The following ZCCHC9 variants were observed in gnomAD, a reference collection of about 807,000 sequenced individuals.
ZCCHC9 encodes zinc finger CCHC domain-containing protein 9.
In ZCCHC9, 18 loss-of-function variants were observed where a neutral mutation model predicts 30.8. That is an observed-to-expected ratio of 0.58 (90% CI 0.40 to 0.87). ZCCHC9 has a LOEUF of 0.87. Among genes scored for constraint, ZCCHC9 ranks in the 40% least tolerant of loss-of-function variants. The pLI is 0.00. For missense variants in ZCCHC9, 279 were observed against 331.2 expected, an observed-to-expected ratio of 0.84 and a Z score of 1.22; for synonymous variants, 94 against 106.7, an observed-to-expected ratio of 0.88 and a Z score of 0.73.
intron 2 of ZCCHC9, among the ~76,000 whole-genome samples, chr5:81,306,317 T>C (rs955344449): frequency 2.0e-5 from 3 of 152,256 alleles, no homozygotes; most frequent in African/African-American, 7.2e-5. Context: ...GATTAGTCTA[T>C]GCATTGTTAT....
chr5:81,311,190 G>A (rs772104589), intron 4 of ZCCHC9, 21 bp from the exon 5 acceptor site: 7 of 1,613,956 alleles, frequency 4.3e-6, no homozygotes, highest in Non-Finnish European at 5.9e-6. Context: ...ATGGTATTCA[G>A]TGGCTTTGCT....
chr5:81,306,280 A>G (rs1191528514), intron 2 of ZCCHC9, among the ~76,000 whole-genome samples: 3 of 152,246 alleles, frequency 2.0e-5, no homozygotes, highest in Non-Finnish European at 2.9e-5. Context: ...AACAGCCTCT[A>G]TAAATGTGTC....
In ZCCHC9 at chr5:81,308,580, A is replaced by T. The variant is rs1758164113; in HGVS notation, c.404A>T (p.Lys135Ile). 1 of 1,612,742 alleles carries T rather than the reference A, an allele frequency of 6.2e-7. No homozygotes were observed. The highest frequency in any genetic ancestry group is 2.2e-5 in the East Asian group (1 of 44,840). The change falls in exon 3 of 6, where the codon AAA becomes ATA. Residue 135 changes from lysine (K) to isoleucine (I), a missense_variant. Coordinates refer to ENST00000407610, the MANE Select transcript of ZCCHC9 (RefSeq NM_001131035.2). ...TCCTAGGTGTGTTTCCATTGTAGAAAACCTGGTCATGGAATTGCAGATTGC... is the reference window on the plus strand; with the variant it reads ...TCCTAGGTGTGTTTCCATTGTAGAATACCTGGTCATGGAATTGCAGATTGC... ...KNAMVCFHCR[K>I]PGHGIADCPA... is the part of the protein sequence containing the mutation.
chr5:81,308,023 ATC>A (rs1554049986), intron 2 of ZCCHC9, among the ~76,000 whole-genome samples: 2 of 15,966 alleles, frequency 1.3e-4, no homozygotes, highest in African/African-American at 1.9e-4. Flanking sequence ...AAAAAAAAAA[ATC>A]TATCTATCTA....
intron 4 of ZCCHC9, among the ~76,000 whole-genome samples, chr5:81,309,765 C>T (rs944402222): frequency 2.0e-5 from 3 of 152,188 alleles, no homozygotes; most frequent in African/African-American, 7.2e-5. Flanking sequence ...TCTCCGTTTC[C>T]TCACCTATAG....
intron 2 of ZCCHC9, among the ~76,000 whole-genome samples, chr5:81,306,377 A>G (rs1446566802): frequency 1.3e-5 from 2 of 152,204 alleles, no homozygotes; most frequent in Non-Finnish European, 2.9e-5. Flanking sequence ...TTCCTTATGG[A>G]TAAATTTGAA....
In ZCCHC9 at chr5:81,311,254, A is replaced by T. The variant is rs1758275555; in HGVS notation, c.672A>T (p.Lys224Asn). The change falls in exon 5 of 6, where the codon AAA becomes AAT. Residue 224 changes from lysine to asparagine, a missense_variant. Coordinates refer to ENST00000407610, the MANE Select transcript of ZCCHC9 (RefSeq NM_001131035.2). ...KLCGSVEHLK[K>N]DCPESQNSER... ...GTGGCTCTGTGGAACATTTAAAGAA[A>T]GATTGCCCTGAAAGTCAGAATTCAG... 2 of 1,614,108 alleles carry T rather than the reference A, an allele frequency of 1.2e-6. No individual in the cohort carries two copies. The highest frequency in any genetic ancestry group is 2.2e-5 in the South Asian group (2 of 91,078).
At chr5:81,307,745 C>T (rs1014091677) in intron 2 of ZCCHC9, among the ~76,000 whole-genome samples, 4 of 151,744 alleles carry the variant, frequency 2.6e-5, no homozygotes, top group African/African-American at 7.3e-5. Context: ...GCCTGTAATC[C>T]CAGCACTTTG....
rs1304258359 is a variant in ZCCHC9, at chr5:81,302,250, TCTC to T, written c.-18+555_-18+557del. ...ACTTTGGGAGGTCGAGGCGGGCAGA[TCTC>T]CTGAGCTCAGGAGTTCGAGACCACC... On this transcript the variant is annotated intron_variant, in intron 1 of 5. Coordinates refer to ENST00000407610, the MANE Select transcript of ZCCHC9 (RefSeq NM_001131035.2). 3.3e-5 allele frequency: 5 copies of T among 152,320 alleles called. No individual in the cohort carries two copies. In the East Asian group the frequency reaches 9.6e-4, roughly 29 times the overall value. 9.4% of individuals were successfully genotyped at this position (152,320 alleles called of 1,614,324 possible).
In ZCCHC9 at chr5:81,311,425, C is replaced by T. The variant is rs537343035; in HGVS notation, c.697+146C>T. 1.2e-5 allele frequency: 10 copies of T among 855,552 alleles called. No individual in the cohort carries two copies. In the East Asian group the frequency reaches 2.2e-4, roughly 19 times the overall value. 53.0% of individuals were successfully genotyped at this position (855,552 alleles called of 1,614,324 possible). On this transcript the variant is annotated intron_variant, in intron 5 of 5. Transcript: ENST00000407610. ...ACTGTAGCAATGACTTAATCTCTGT[C>T]AGCAATAGACACACATAGTATTGAG...
chr5:81,306,679 G>T (rs547015944), intron 2 of ZCCHC9, among the ~76,000 whole-genome samples: 12 of 151,756 alleles, frequency 7.9e-5, no homozygotes, highest in Admixed American at 3.9e-4. Context: ...ACTAAGCATC[G>T]GTCCTTAAAT....
chr5:81,308,871 G>T (rs912700212), intron 3 of ZCCHC9, 75 bp from the exon 4 acceptor site: 108 of 1,420,838 alleles, frequency 7.6e-5, no homozygotes, highest in Admixed American at 4.5e-4. Flanking sequence ...TTTATTCAGA[G>T]TATTTTAAAA....
chr5:81,312,674 A>C lies in ZCCHC9; in HGVS notation c.*12A>C, dbSNP rs1462878455. 1.3e-6 allele frequency: 2 copies of C among 1,582,590 alleles called. No individual in the cohort carries two copies. The highest frequency in any genetic ancestry group is 2.2e-5 in the South Asian group (2 of 90,228). On this transcript the variant is annotated 3_prime_UTR_variant, in exon 6 of 6. Coordinates refer to ENST00000407610, the MANE Select transcript of ZCCHC9 (RefSeq NM_001131035.2). ...TTGTTAATTTTTGATAACAGCTAGC[A>C]CTATCATGAGTTACTACCTCATTGT...
chr5:81,306,376 G>A (rs1561305172), intron 2 of ZCCHC9, among the ~76,000 whole-genome samples: 1 of 152,294 alleles, frequency 6.6e-6, no homozygotes, highest in East Asian at 1.9e-4. Flanking sequence ...ATTCCTTATG[G>A]ATAAATTTGA....
rs1580499779 is a variant in ZCCHC9, at chr5:81,311,201, C to G, written c.629-10C>G. 3 of 1,614,038 alleles carry G rather than the reference C, an allele frequency of 1.9e-6. No homozygotes were observed. The East Asian group carries it at 6.7e-5, about 36-fold the overall frequency. On this transcript the variant is annotated splice_polypyrimidine_tract_variant and intron_variant, in intron 4 of 5. Coordinates refer to ENST00000407610, the MANE Select transcript of ZCCHC9 (RefSeq NM_001131035.2). The stretch of plus-strand genomic sequence containing the variant: ...TGAGATGGTATTCAGTGGCTTTGCT[C>G]TTTCAATAGGTGGCGGTTGCAAACT...
Position 81,311,297 on chromosome 5 carries a change from C to G in ZCCHC9, c.697+18C>G. ...GAATTCAGGTGAGATCTCTGGGCCTCTACTTAGAAGGGGTGAGATTAGTAT... is the reference window on the plus strand; with the variant it reads ...GAATTCAGGTGAGATCTCTGGGCCTGTACTTAGAAGGGGTGAGATTAGTAT... On this transcript the variant is annotated intron_variant, in intron 5 of 5. Transcript: ENST00000407610. 1 of 1,612,932 alleles carries G rather than the reference C, an allele frequency of 6.2e-7. No individual in the cohort carries two copies. Among genetic ancestry groups the G allele is most frequent in the African/African-American group, 1.3e-5 (1 of 75,008 alleles).
At chr5:81,302,856 T>C (rs1003750055) in intron 1 of ZCCHC9, 6 of 152,190 alleles carry the variant, frequency 3.9e-5, no homozygotes, top group African/African-American at 1.4e-4. Context: ...TACGATATTA[T>C]TTAGGGTATT....
chr5:81,309,367 G>A (rs79569479), intron 4 of ZCCHC9, among the ~76,000 whole-genome samples: 2,654 of 152,194 alleles, frequency 0.017, 71 homozygotes, highest in African/African-American at 0.06. Flanking sequence ...TTTTAAAATC[G>A]TATTATATAT....
chr5:81,308,728 G>T lies in ZCCHC9; in HGVS notation c.535+17G>T, dbSNP rs765333755. On this transcript the variant is annotated intron_variant, in intron 3 of 5. Transcript: ENST00000407610. ...CGGCTCTTGGTATGTGTTTCTTTCAGTTTTTTGTTTTGTTCATGGGGAAAG... is the reference window on the plus strand; with the variant it reads ...CGGCTCTTGGTATGTGTTTCTTTCATTTTTTTGTTTTGTTCATGGGGAAAG... 5 of 1,594,050 alleles carry T rather than the reference G, an allele frequency of 3.1e-6. No individual in the cohort carries two copies. The highest frequency in any genetic ancestry group is 4.3e-6 in the Non-Finnish European group (5 of 1,173,490).
Sources: allele counts gnomAD v4.1 joint callset (sites outside exome capture counted in the v4.1 genomes callset), GRCh38; gene constraint gnomAD v4.1.1; transcripts MANE v1.5; gene names NCBI Gene and HGNC (gene_info 2026-07-23, HGNC 2026-07-21).